The following TRMT11 variants were observed in gnomAD, a reference collection of about 807,000 sequenced individuals.
TRMT11 encodes tRNA (guanine(10)-N(2))-methyltransferase TRMT11.
In TRMT11, 53 loss-of-function variants were observed where a neutral mutation model predicts 62.8. That is an observed-to-expected ratio of 0.84 (90% CI 0.68 to 1.06). The LOEUF is 1.06. Among genes scored for constraint, TRMT11 ranks in the 50% least tolerant of loss-of-function variants. The pLI, the probability that TRMT11 is intolerant of heterozygous loss-of-function variation, is 0.00. For missense variants in TRMT11, 556 were observed against 553.4 expected (o/e 1.00, Z -0.05); for synonymous variants, 188 against 190.3 (o/e 0.99, Z 0.10).
chr6:126,032,736 G>T (rs144317056), intron 12 of TRMT11, among the ~76,000 whole-genome samples: 249 of 152,228 alleles, frequency 1.6e-3, no homozygotes, highest in South Asian at 1.9e-3. Context: ...ACCACTGTAC[G>T]TACAAGCTCT....
the TRMT11 span, among the ~76,000 whole-genome samples, chr6:126,257,714 C>A: frequency 6.6e-6 from 1 of 152,020 alleles, no homozygotes; most frequent in Admixed American, 6.6e-5. Flanking sequence ...ATTAAAGGTC[C>A]TGCGCCACAG....
At chr6:126,232,671 A>T in the TRMT11 span, among the ~76,000 whole-genome samples, 2 of 152,168 alleles carry the variant, frequency 1.3e-5, no homozygotes, top group Non-Finnish European at 2.9e-5. Context: ...AATATTTCTC[A>T]CTTAGATGCT....
intron 21 of TRMT11, among the ~76,000 whole-genome samples, chr6:126,126,039 A>G (rs1453952639): frequency 1.3e-5 from 2 of 152,094 alleles, no homozygotes; most frequent in Non-Finnish European, 2.9e-5. Flanking sequence ...TTAGATGGGC[A>G]TGGTCTGTGT....
intron 17 of TRMT11, among the ~76,000 whole-genome samples, chr6:126,076,209 A>G (rs940941073): frequency 2.6e-5 from 4 of 152,098 alleles, no homozygotes; most frequent in African/African-American, 9.7e-5. Context: ...CCTTATGAGA[A>G]CTGTCTGTCT....
At chr6:126,131,501 A>G (rs931363584) in intron 21 of TRMT11, among the ~76,000 whole-genome samples, 1 of 152,040 alleles carries the variant, frequency 6.6e-6, no homozygotes, top group African/African-American at 2.4e-5. Flanking sequence ...CTCAACACAT[A>G]AAGCTGCAGT....
At chr6:126,103,192 G>T (rs1341048831) in intron 17 of TRMT11, among the ~76,000 whole-genome samples, 1 of 152,146 alleles carries the variant, frequency 6.6e-6, no homozygotes, top group Non-Finnish European at 1.5e-5. Flanking sequence ...TTTGGCAATT[G>T]ATCATAAATG....
chr6:126,172,019 T>G (rs1187492726), intron 21 of TRMT11, among the ~76,000 whole-genome samples: 1 of 152,144 alleles, frequency 6.6e-6, no homozygotes, highest in African/African-American at 2.4e-5. Flanking sequence ...ACACCTGGCC[T>G]TTAAAGGGCT....
chr6:126,215,417 G>C, the TRMT11 span, among the ~76,000 whole-genome samples: 1 of 150,928 alleles, frequency 6.6e-6, no homozygotes, highest in African/African-American at 2.5e-5. Flanking sequence ...TTGCTGAATT[G>C]ACCCCATTAT....
intron 21 of TRMT11, among the ~76,000 whole-genome samples, chr6:126,143,489 T>G (rs1203351637): frequency 6.6e-6 from 1 of 152,188 alleles, no homozygotes; most frequent in African/African-American, 2.4e-5. Flanking sequence ...TAAATTTGCT[T>G]GAGCTGCAGA....
intron 21 of TRMT11, among the ~76,000 whole-genome samples, chr6:126,141,391 A>T (rs1336916017): frequency 6.6e-6 from 1 of 152,190 alleles, no homozygotes; most frequent in African/African-American, 2.4e-5. Flanking sequence ...GTTTTCACAC[A>T]CATGTTAAAT....
Position 126,092,740 on chromosome 6 carries a change from G to A in TRMT11, c.*1438-20126G>A, listed in dbSNP as rs531875116. ...GGAATCCATGGCAATTGCAACTTCT[G>A]CATTTGGCTTGGTGATTTCTAGAAA... On this transcript the variant is annotated intron_variant and NMD_transcript_variant, in intron 17 of 22. Coordinates refer to the TRMT11 transcript ENST00000648977. Among the ~76,000 whole-genome samples the A allele has an allele frequency of 2.0e-5, 3 of 152,250 alleles. No homozygotes were observed. The South Asian group carries it at 6.2e-4, about 32-fold the overall frequency.
At chr6:125,993,696 T>C in intron 1 of TRMT11, 61 bp from the exon 2 acceptor site, 1 of 1,098,626 alleles carries the variant, frequency 9.1e-7, no homozygotes, top group Non-Finnish European at 1.4e-6. Flanking sequence ...CCTGTCTCCC[T>C]TAGTACATTT....
At chr6:126,001,756 A>T (rs1792529681) in intron 7 of TRMT11, among the ~76,000 whole-genome samples, 1 of 151,878 alleles carries the variant, frequency 6.6e-6, no homozygotes, top group Non-Finnish European at 1.5e-5. Context: ...ACCAGTTTTT[A>T]CTTTGATGGT....
intron 17 of TRMT11, among the ~76,000 whole-genome samples, chr6:126,053,694 A>C (rs375244000): frequency 6.6e-6 from 1 of 152,148 alleles, no homozygotes; most frequent in Non-Finnish European, 1.5e-5. Flanking sequence ...ATGGCCCTGC[A>C]TGGCGTGGTG....
At position 126,011,324 on chromosome 6, in the gene TRMT11, G is replaced by A. The variant is rs1434936801; in HGVS notation, c.832G>A (p.Gly278Ser). 3 of 1,613,228 alleles carry A rather than the reference G, an allele frequency of 1.9e-6. No homozygotes were observed. In the African/African-American group the frequency reaches 4.0e-5, roughly 22 times the overall value. ...ENIRANLRQY[G>S]LEKYYLDVLV... is the part of the protein sequence containing the mutation. ...CATTAGGGCCAATCTTCGTCAATAT[G>A]GTTTAGAGAAGTATTACCTTGATGT... is the stretch of plus-strand genomic sequence containing the variant. Residue 278 changes from glycine (G) to serine (S), a missense_variant, in exon 9 of 13, where the codon GGT becomes AGT. By Grantham distance (56) the Gly-to-Ser change is moderately conservative. Coordinates refer to ENST00000334379, the MANE Select transcript of TRMT11 (RefSeq NM_001031712.3).
the TRMT11 span, among the ~76,000 whole-genome samples, chr6:126,228,997 T>C: frequency 5.3e-5 from 8 of 152,350 alleles, no homozygotes; most frequent in South Asian, 1.7e-3. Flanking sequence ...CATGAAGATA[T>C]GTGGCTCCAA....
In TRMT11 at chr6:125,996,117, TG is replaced by T. The variant is rs915280013; in HGVS notation, c.212+80del. 32 of 1,031,818 alleles carry T rather than the reference TG, an allele frequency of 3.1e-5. No individual in the cohort carries two copies. The African/African-American group carries it at 3.7e-4, about 12-fold the overall frequency. 63.9% of individuals were successfully genotyped at this position (1,031,818 alleles called of 1,614,324 possible). A position where few individuals can be genotyped will look rare whatever the true frequency, so the allele number is the denominator to read the frequency against. On this transcript the variant is annotated intron_variant, in intron 3 of 12. Coordinates refer to ENST00000334379, the MANE Select transcript of TRMT11 (RefSeq NM_001031712.3). Reference sequence around the variant, plus strand: ...CACTCAATCCTGTTTTTTGCTATATTGGGCAGTGTGAAGGCTCAGTTTAGCT... The same window carrying T: ...CACTCAATCCTGTTTTTTGCTATATTGGCAGTGTGAAGGCTCAGTTTAGCT...
chr6:126,155,744 G>T (rs185705535), intron 21 of TRMT11, among the ~76,000 whole-genome samples: 5 of 152,220 alleles, frequency 3.3e-5, no homozygotes, highest in African/African-American at 1.2e-4. Context: ...TTTTTGAGAC[G>T]GAGTCTCGCT....
At chr6:126,014,856 C>A (rs1794750021) in intron 11 of TRMT11, among the ~76,000 whole-genome samples, 1 of 151,828 alleles carries the variant, frequency 6.6e-6, no homozygotes, top group South Asian at 2.1e-4. Context: ...AAGTTAAAAG[C>A]CAGCTAGCTA....
Sources: allele counts gnomAD v4.1 joint callset (sites outside exome capture counted in the v4.1 genomes callset), GRCh38; gene constraint gnomAD v4.1.1; transcripts MANE v1.5; gene names NCBI Gene and HGNC (gene_info 2026-07-23, HGNC 2026-07-21).